The following NGLY1 variants were observed in gnomAD, a reference collection of about 807,000 sequenced individuals.
NGLY1 encodes the protein N-glycanase 1.
NGLY1 carries 68 observed loss-of-function variants against 84.6 expected under a neutral mutation model. That is an observed-to-expected ratio of 0.80 (90% confidence interval 0.66 to 0.98). NGLY1 has a LOEUF of 0.98. Ranked by LOEUF, NGLY1 falls within the 50% of genes least tolerant of loss-of-function variation. NGLY1 has a pLI of 0.00. For synonymous variants in NGLY1, 280 were observed against 275.2 expected, an observed-to-expected ratio of 1.02 and a Z score of -0.17; for missense variants, 779 against 770.2, an observed-to-expected ratio of 1.01 and a Z score of -0.14.
chr3:25,729,205 G>A lies in NGLY1; in HGVS notation c.1539C>T (p.Thr513=). ...RYVRVSNNNQ[T]ISGWENGVWK... is the part of the protein sequence containing the mutation. The stretch of plus-strand genomic sequence containing the variant: ...ACACGCCATTCTCCCATCCAGAAAT[G>A]GTTTGATTGTTATTTGAAACTCGAA... The change falls in exon 10 of 12, where the codon ACC becomes ACT. Residue 513 remains threonine, a synonymous_variant. Coordinates refer to ENST00000280700, the MANE Select transcript of NGLY1 (RefSeq NM_018297.4). 2 of 1,564,574 alleles carry A rather than the reference G, an allele frequency of 1.3e-6. No homozygotes were observed. Among genetic ancestry groups the A allele is most frequent in the Non-Finnish European group, 1.7e-6 (2 of 1,151,754 alleles).
chr3:25,733,185 T>A (rs1389165204), intron 8 of NGLY1, among the ~76,000 whole-genome samples: 1 of 152,012 alleles, frequency 6.6e-6, no homozygotes. Context: ...ACATCAGGAG[T>A]AAGTGCAGAT....
intron 2 of NGLY1, among the ~76,000 whole-genome samples, chr3:25,767,224 A>G (rs2932010): frequency 0.81 from 123,117 of 151,258 alleles, 50,509 homozygotes; most frequent in East Asian, 0.94. Flanking sequence ...CCCAGGAGGC[A>G]GAGGTTGCAG....
chr3:25,761,434 A>G (rs374711154), intron 3 of NGLY1, among the ~76,000 whole-genome samples: 1 of 152,228 alleles, frequency 6.6e-6, no homozygotes, highest in Non-Finnish European at 1.5e-5. Flanking sequence ...TAGGAACACT[A>G]AACACTTAGC....
intron 9 of NGLY1, among the ~76,000 whole-genome samples, chr3:25,731,808 T>C (rs1023184831): frequency 1.3e-5 from 2 of 152,234 alleles, no homozygotes; most frequent in Middle Eastern, 3.4e-3. Context: ...AAACAAGCTA[T>C]ATACAAAACA....
intron 4 of NGLY1, among the ~76,000 whole-genome samples, chr3:25,745,619 T>C (rs968583431): frequency 1.3e-5 from 2 of 152,180 alleles, no homozygotes; most frequent in African/African-American, 4.8e-5. Context: ...TTCCACATAT[T>C]CTATAACCCC....
At chr3:25,761,771 C>A (rs1707332810) in intron 3 of NGLY1, among the ~76,000 whole-genome samples, 1 of 152,136 alleles carries the variant, frequency 6.6e-6, no homozygotes, top group Admixed American at 6.5e-5. Flanking sequence ...TTCACAGCAG[C>A]ATTATTCATA....
intron 4 of NGLY1, among the ~76,000 whole-genome samples, chr3:25,741,113 G>A (rs1357401771): frequency 7.0e-6 from 1 of 143,784 alleles, no homozygotes; most frequent in Non-Finnish European, 1.5e-5. Flanking sequence ...GAGTGACAGA[G>A]CGAAACTCTG....
At chr3:25,740,540 A>C (rs1460292324) in intron 4 of NGLY1, among the ~76,000 whole-genome samples, 2 of 152,186 alleles carry the variant, frequency 1.3e-5, no homozygotes, top group African/African-American at 2.4e-5. Context: ...TGATTAAAAC[A>C]GAGTGATAAT....
At chr3:25,747,620 A>G (rs1559542185) in intron 4 of NGLY1, among the ~76,000 whole-genome samples, 1 of 152,202 alleles carries the variant, frequency 6.6e-6, no homozygotes, top group Non-Finnish European at 1.5e-5. Context: ...TCCAGTTTCT[A>G]GCAAGCAGAG....
intron 2 of NGLY1, among the ~76,000 whole-genome samples, chr3:25,768,104 C>T (rs1215734492): frequency 2.8e-5 from 3 of 108,858 alleles, no homozygotes; most frequent in African/African-American, 6.7e-5. Context: ...CAGAGCAAGA[C>T]TCCATCTCAA....
chr3:25,763,518 C>A (rs1437636399), intron 3 of NGLY1, among the ~76,000 whole-genome samples: 2 of 152,256 alleles, frequency 1.3e-5, no homozygotes, highest in South Asian at 4.1e-4. Context: ...CATTGAGGTG[C>A]TTGTTAGACT....
rs1705342991 is a variant in NGLY1, at chr3:25,727,907, T to C, written c.1611+1226A>G. Among the ~76,000 whole-genome samples the C allele has an allele frequency of 1.3e-5, 2 of 152,154 alleles. 1 individual carries two copies. The highest frequency in any genetic ancestry group is 4.1e-4 in the South Asian group (2 of 4,828). ...AGACTAGTCATTCGATAAAAAACCC[T>C]TTTATTCTATCTTGCTTTCTGTTCA... On this transcript the variant is annotated intron_variant, in intron 10 of 11. Coordinates refer to ENST00000280700, the MANE Select transcript of NGLY1 (RefSeq NM_018297.4).
chr3:25,769,933 C>T (rs1707813871), intron 2 of NGLY1, among the ~76,000 whole-genome samples: 1 of 152,096 alleles, frequency 6.6e-6, no homozygotes, highest in Non-Finnish European at 1.5e-5. Flanking sequence ...CCCTCGCACC[C>T]TTCCCACTTT....
At chr3:25,742,252 G>A (rs1706184899) in intron 4 of NGLY1, among the ~76,000 whole-genome samples, 2 of 152,106 alleles carry the variant, frequency 1.3e-5, no homozygotes, top group Admixed American at 1.3e-4. Context: ...TGTGCCAGGA[G>A]ACATGGTTTA....
chr3:25,739,538 T>C, intron 5 of NGLY1, 39 bp downstream of exon 5: 1 of 1,565,812 alleles, frequency 6.4e-7, no homozygotes, highest in South Asian at 1.1e-5. Context: ...AACTATTTCA[T>C]TAAGAGATTA....
At chr3:25,736,415 C>A in intron 6 of NGLY1, 2 of 1,529,498 alleles carry the variant, frequency 1.3e-6, no homozygotes, top group Non-Finnish European at 1.8e-6. Context: ...AGAAGGTAGA[C>A]ATATTAAAGA....
At chr3:25,770,268 C>T (rs930976839) in intron 2 of NGLY1, among the ~76,000 whole-genome samples, 5 of 152,202 alleles carry the variant, frequency 3.3e-5, no homozygotes, top group African/African-American at 1.2e-4. Context: ...CTCCCCTCAG[C>T]CTCCCGAGTA....
At chr3:25,763,278 T>C (rs1304885890) in intron 3 of NGLY1, among the ~76,000 whole-genome samples, 1 of 152,204 alleles carries the variant, frequency 6.6e-6, no homozygotes, top group African/African-American at 2.4e-5. Context: ...TGCAGATTGG[T>C]TAACTATGTG....
At chr3:25,782,946 G>A (rs1260072029) in intron 1 of NGLY1, 2 of 316,168 alleles carry the variant, frequency 6.3e-6, no homozygotes, top group Non-Finnish European at 5.9e-6. Flanking sequence ...GGCAGTGTCT[G>A]AAGCACGCCT....
Sources: gnomAD v4.1 joint callset for allele counts (sites outside exome capture counted in the v4.1 genomes callset) on GRCh38, gnomAD v4.1.1 for gene constraint, MANE v1.5 for transcripts, NCBI Gene and HGNC (gene_info 2026-07-23, HGNC 2026-07-21) for gene names.